DLGAP4: variants seen among roughly 807,000 people sequenced by gnomAD.
DLGAP4 encodes the protein disks large-associated protein 4.
A neutral mutation model predicts 86.9 loss-of-function variants in DLGAP4; 18 were observed. The observed-to-expected ratio is 0.21, with a 90% confidence interval of 0.14 to 0.31. DLGAP4 has a LOEUF of 0.31. Ranked by LOEUF, DLGAP4 falls within the 10% of genes least tolerant of loss-of-function variation. The pLI is 1.00. For missense variants in DLGAP4, 1,085 were observed against 1,362.6 expected (o/e 0.80, Z 3.21); for synonymous variants, 548 against 574.3 (o/e 0.95, Z 0.65).
At chr20:36,498,146 G>A (rs1185197134) in intron 8 of DLGAP4, 1 of 152,288 alleles carries the variant, frequency 6.6e-6, no homozygotes, top group African/African-American at 2.4e-5. Flanking sequence ...GACACAAAGT[G>A]GAGCTTGAAT....
intron 1 of DLGAP4, among the ~76,000 whole-genome samples, chr20:36,348,064 T>C (rs1555893166): frequency 6.6e-6 from 1 of 152,168 alleles, no homozygotes; most frequent in East Asian, 1.9e-4. Context: ...ACCTCTAAGC[T>C]GATTTTCTTA....
At chr20:36,387,321 A>C (rs2031633977) in intron 2 of DLGAP4, among the ~76,000 whole-genome samples, 1 of 152,208 alleles carries the variant, frequency 6.6e-6, no homozygotes, top group South Asian at 2.1e-4. Context: ...TCTTCTGCAA[A>C]ATGCCTGTTC....
intron 1 of DLGAP4, among the ~76,000 whole-genome samples, chr20:36,361,560 G>A (rs782092207): frequency 3.9e-5 from 6 of 152,140 alleles, no homozygotes; most frequent in African/African-American, 7.2e-5. Context: ...GGAGGCAGCC[G>A]GGCACCTAGG....
intron 2 of DLGAP4, among the ~76,000 whole-genome samples, chr20:36,376,491 T>C (rs71351020): frequency 6.6e-6 from 1 of 151,934 alleles, no homozygotes; most frequent in Non-Finnish European, 1.5e-5. Flanking sequence ...TATAATTTTT[T>C]AAAAAAATAA....
chr20:36,471,339 C>G (rs989936360), intron 7 of DLGAP4, among the ~76,000 whole-genome samples: 1 of 152,018 alleles, frequency 6.6e-6, no homozygotes, highest in Non-Finnish European at 1.5e-5. Context: ...ACTAAAAATA[C>G]AAAAATTAGC....
At chr20:36,422,598 G>A (rs2032859913) in intron 2 of DLGAP4, among the ~76,000 whole-genome samples, 1 of 152,194 alleles carries the variant, frequency 6.6e-6, no homozygotes, top group Non-Finnish European at 1.5e-5. Flanking sequence ...GGTGAGTTTT[G>A]TGTCAGGAAG....
At position 36,432,750 on chromosome 20, in the gene DLGAP4, G is replaced by T; in HGVS notation, c.999+34G>T. The T allele has an allele frequency of 1.9e-6, 3 of 1,607,574 alleles. No individual in the cohort carries two copies. The highest frequency in any genetic ancestry group is 2.2e-5 in the South Asian group (2 of 89,536). On this transcript the variant is annotated intron_variant, in intron 3 of 12. Transcript: ENST00000339266. The surrounding 1 kb of genome is among the most constrained non-coding windows in gnomAD (Gnocchi z 6.5). ...CTGGCAGGGTCAGGGGTGGGATGAG[G>T]GCTCTGGGGACGGCACCAGTTTTGA... is the stretch of plus-strand genomic sequence containing the variant.
At chr20:36,476,705 G>GGT (rs2034951168) in intron 7 of DLGAP4, among the ~76,000 whole-genome samples, 6 of 85,340 alleles carry the variant, frequency 7.0e-5, no homozygotes, top group South Asian at 3.7e-4. Flanking sequence ...TTTTTTTTTG[G>GGT]TTTTTTTTTT....
chr20:36,461,744 TCCGTCCGCCCGCCCGCCCGC>T, intron 7 of DLGAP4: 1 of 898,670 alleles, frequency 1.1e-6, no homozygotes, highest in Non-Finnish European at 1.3e-6. Flanking sequence ...CGTCCGTCCG[TCCGTCCGCCCGCCCGCCCGC>T]CCGCCCGCGC....
intron 2 of DLGAP4, among the ~76,000 whole-genome samples, chr20:36,410,484 T>C (rs961113374): frequency 1.3e-5 from 2 of 152,192 alleles, no homozygotes; most frequent in South Asian, 4.1e-4. Context: ...TATCTGAGGC[T>C]GAGTAATGTA....
intron 2 of DLGAP4, among the ~76,000 whole-genome samples, chr20:36,370,926 A>G (rs1426964949): frequency 6.6e-6 from 1 of 152,154 alleles, no homozygotes; most frequent in Admixed American, 6.5e-5. Flanking sequence ...CCAAACTGCA[A>G]TTTTCTGAGG....
intron 11 of DLGAP4, 128 bp downstream of exon 11, chr20:36,524,469 G>A (rs751659619): frequency 3.0e-5 from 22 of 741,934 alleles, no homozygotes; most frequent in Non-Finnish European, 3.9e-5. Flanking sequence ...TCATGGTGCT[G>A]GAAGGACAGT....
At chr20:36,439,366 G>T (rs956419055) in intron 4 of DLGAP4, among the ~76,000 whole-genome samples, 44 of 152,228 alleles carry the variant, frequency 2.9e-4, no homozygotes, top group Non-Finnish European at 5.6e-4. Context: ...AATGAGGACT[G>T]GGGGATGCCC....
intron 2 of DLGAP4, among the ~76,000 whole-genome samples, chr20:36,409,509 A>C (rs890286733): frequency 1.3e-5 from 2 of 150,016 alleles, no homozygotes; most frequent in Non-Finnish European, 3.0e-5. Context: ...AGATCACCCA[A>C]GGTCAGGAGT....
intron 1 of DLGAP4, among the ~76,000 whole-genome samples, chr20:36,317,823 C>T (rs1451089023): frequency 1.3e-5 from 2 of 151,844 alleles, no homozygotes; most frequent in Non-Finnish European, 2.9e-5. Flanking sequence ...ATAGCTGAGT[C>T]AGATCCATTC....
At chr20:36,466,916 C>G (rs2034380566) in intron 7 of DLGAP4, among the ~76,000 whole-genome samples, 1 of 151,984 alleles carries the variant, frequency 6.6e-6, no homozygotes, top group African/African-American at 2.4e-5. Flanking sequence ...AAGCGAGTCT[C>G]TCGCTCTTGC....
At chr20:36,408,992 T>A (rs1463291036) in intron 2 of DLGAP4, among the ~76,000 whole-genome samples, 2 of 151,484 alleles carry the variant, frequency 1.3e-5, no homozygotes, top group Non-Finnish European at 2.9e-5. Flanking sequence ...CTCTATACTA[T>A]CTGCAACCTA....
At chr20:36,462,718 T>A (rs2034154681) in intron 7 of DLGAP4, 2 of 1,346,876 alleles carry the variant, frequency 1.5e-6, no homozygotes, top group South Asian at 3.0e-5. Flanking sequence ...CTCTGAGGCC[T>A]CCCACAAAGG....
chr20:36,419,062 C>A (rs1204446646), intron 2 of DLGAP4, among the ~76,000 whole-genome samples: 1 of 152,090 alleles, frequency 6.6e-6, no homozygotes, highest in Non-Finnish European at 1.5e-5. Context: ...GTGACTTCAG[C>A]CATTGAGCTG....
Sources: allele counts gnomAD v4.1 joint callset (sites outside exome capture counted in the v4.1 genomes callset), GRCh38; gene constraint gnomAD v4.1.1; non-coding constraint Gnocchi (gnomAD v3.1); transcripts MANE v1.5; gene names NCBI Gene and HGNC (gene_info 2026-07-23, HGNC 2026-07-21).